The following DOCK3 variants were observed in gnomAD, a reference collection of about 807,000 sequenced individuals.
DOCK3 encodes the protein dedicator of cytokinesis 3, also known as dedicator of cytokinesis protein 3.
DOCK3 carries 60 observed loss-of-function variants against 265.6 expected under a neutral mutation model. The observed-to-expected ratio is 0.23, with a 90% CI of 0.18 to 0.28. The LOEUF (loss-of-function observed/expected upper bound fraction) is 0.28, where lower values mean the gene tolerates loss of function less well. Among genes scored for constraint, DOCK3 ranks in the 10% least tolerant of loss-of-function variants. DOCK3 has a pLI of 1.00. For missense variants in DOCK3, 1,981 were observed against 2,594.3 expected (o/e 0.76, Z 5.14); for synonymous variants, 881 against 938.0 (o/e 0.94, Z 1.11).
intron 4 of DOCK3, 141 bp downstream of exon 4, chr3:50,890,222 TG>T: frequency 1.7e-6 from 1 of 584,820 alleles, no homozygotes; most frequent in East Asian, 3.5e-5. Context: ...CATGTAATTT[TG>T]AGGGAATAAT....
intron 1 of DOCK3, among the ~76,000 whole-genome samples, chr3:50,700,041 G>A (rs1275337059): frequency 6.6e-6 from 1 of 152,136 alleles, no homozygotes; most frequent in East Asian, 1.9e-4. Flanking sequence ...CCAGCAGGAG[G>A]CTGAGGCAGG....
chr3:51,251,281 G>C (rs1159013120), intron 22 of DOCK3, among the ~76,000 whole-genome samples: 1 of 152,108 alleles, frequency 6.6e-6, no homozygotes, highest in Non-Finnish European at 1.5e-5. Flanking sequence ...ATGGACATTT[G>C]GGTTGGTTCC....
At chr3:51,349,363 TAAATC>T (rs1419163670) in intron 39 of DOCK3, among the ~76,000 whole-genome samples, 1 of 152,202 alleles carries the variant, frequency 6.6e-6, no homozygotes, top group East Asian at 1.9e-4. Context: ...ATTAAAAAAT[TAAATC>T]AAATGCTCGA....
chr3:50,792,147 T>A (rs1039493419), intron 2 of DOCK3, among the ~76,000 whole-genome samples: 4 of 152,066 alleles, frequency 2.6e-5, no homozygotes, highest in African/African-American at 9.7e-5. Flanking sequence ...GAGCAATGTT[T>A]TGTAGTTCTT....
chr3:51,374,435 T>G lies in DOCK3; in HGVS notation c.5294-34T>G. On this transcript the variant is annotated intron_variant, in intron 49 of 52. Coordinates refer to ENST00000266037, the MANE Select transcript of DOCK3 (RefSeq NM_004947.5). This position sits in a 1 kb window ranked among gnomAD's most constrained non-coding sequence, Gnocchi z 4.8. Reference sequence around the variant, plus strand: ...TGCTGGACCCTCCATCTGTGGCTTGTCATCTGTGCTTGATTGTTCTCACTT... The same window carrying G: ...TGCTGGACCCTCCATCTGTGGCTTGGCATCTGTGCTTGATTGTTCTCACTT... 1 of 1,589,354 alleles carries G rather than the reference T, an allele frequency of 6.3e-7. No individual in the cohort carries two copies. The highest frequency in any genetic ancestry group is 1.3e-5 in the African/African-American group (1 of 74,298).
rs1279127271 is a variant in DOCK3 at position 51,374,340 on chromosome 3, T to C, written c.5294-129T>C. ...GACTCTGCTTCATTCCTCCTGTGCT[T>C]GCTGAGTTCATCCTCACCCTAACTG... is the stretch of plus-strand genomic sequence containing the variant. On this transcript the variant is annotated intron_variant, in intron 49 of 52. Transcript: ENST00000266037. This position sits in a 1 kb window ranked among gnomAD's most constrained non-coding sequence, Gnocchi z 4.8. 1.3e-6 allele frequency: 1 copy of C among 787,034 alleles called. No individual in the cohort carries two copies. Among genetic ancestry groups the C allele is most frequent in the African/African-American group, 1.7e-5 (1 of 58,436 alleles). The allele number at this position is 787,034 out of a possible 1,614,324, so 48.8% of individuals were successfully genotyped here.
At chr3:50,996,204 A>G (rs1190679453) in intron 5 of DOCK3, among the ~76,000 whole-genome samples, 17 of 148,534 alleles carry the variant, frequency 1.1e-4, no homozygotes, top group Admixed American at 9.4e-4. Context: ...GCAAGGCTGC[A>G]TGCAGGATTT....
intron 35 of DOCK3, chr3:51,336,970 C>A (rs1164389458): frequency 2.2e-6 from 1 of 444,834 alleles, no homozygotes; most frequent in Non-Finnish European, 4.5e-6. Flanking sequence ...TTGCTTGGAA[C>A]AACTTGGCCA....
intron 5 of DOCK3, among the ~76,000 whole-genome samples, chr3:51,032,194 A>T (rs2080080117): frequency 6.6e-6 from 1 of 151,156 alleles, no homozygotes; most frequent in Non-Finnish European, 1.5e-5. Flanking sequence ...TTCTCACTTC[A>T]GTGATTTTTC....
intron 5 of DOCK3, among the ~76,000 whole-genome samples, chr3:51,063,946 A>G (rs1035589035): frequency 1.3e-5 from 2 of 152,228 alleles, no homozygotes; most frequent in African/African-American, 4.8e-5. Flanking sequence ...AGGCCTAGAA[A>G]TCAGGAGTGA....
intron 5 of DOCK3, among the ~76,000 whole-genome samples, chr3:50,959,449 C>G (rs2076822584): frequency 6.6e-6 from 1 of 150,926 alleles, no homozygotes; most frequent in African/African-American, 2.4e-5. Context: ...ACTTATTCTC[C>G]CTGTATAACT....
intron 7 of DOCK3, among the ~76,000 whole-genome samples, chr3:51,077,158 G>A (rs1297459436): frequency 6.6e-6 from 1 of 152,124 alleles, no homozygotes; most frequent in Non-Finnish European, 1.5e-5. Context: ...CAATAAGAAT[G>A]TAGATGTTTG....
In DOCK3 at chr3:50,793,657, C is replaced by T. The variant is rs111738702; in HGVS notation, c.121+14899C>T. On this transcript the variant is annotated intron_variant, in intron 2 of 52. Transcript: ENST00000266037. ...ACAGGCGTGAGCCACCTTGCCTGGC[C>T]TATTTTATTAATTTTCTTTTCAAAA... Among the ~76,000 whole-genome samples the T allele has an allele frequency of 4.6e-5, 7 of 152,270 alleles. 2 individuals are homozygous for T. Among genetic ancestry groups the T allele is most frequent in the African/African-American group, 1.7e-4 (7 of 41,562 alleles).
chr3:50,884,090 C>CT (rs547602978), intron 3 of DOCK3, among the ~76,000 whole-genome samples: 247 of 140,078 alleles, frequency 1.8e-3, no homozygotes, highest in East Asian at 3.9e-3. Context: ...ATATACCATT[C>CT]TTTTTTTTTT....
intron 4 of DOCK3, among the ~76,000 whole-genome samples, chr3:50,931,013 C>T (rs778301328): frequency 6.6e-6 from 1 of 152,112 alleles, no homozygotes; most frequent in South Asian, 2.1e-4. Context: ...GGGTCATGCC[C>T]GGCTGTGTAA....
At position 50,939,376 on chromosome 3, in the gene DOCK3, T is replaced by A. The variant is rs1218514185; in HGVS notation, c.315+5299T>A. On this transcript the variant is annotated intron_variant, in intron 5 of 52. Coordinates refer to ENST00000266037, the MANE Select transcript of DOCK3 (RefSeq NM_004947.5). ...TGAGGAGGGAATACTTCCTAATTCA[T>A]CTTATGAGGCTGCTATTACCTTGAT... is the stretch of plus-strand genomic sequence containing the variant. Among the ~76,000 whole-genome samples, 6 of 152,114 alleles carry A rather than the reference T, an allele frequency of 3.9e-5. No individual in the cohort carries two copies. In the South Asian group the frequency reaches 1.2e-3, roughly 31 times the overall value.
chr3:50,847,066 G>C (rs941688450), intron 3 of DOCK3, among the ~76,000 whole-genome samples: 1 of 151,712 alleles, frequency 6.6e-6, no homozygotes, highest in Non-Finnish European at 1.5e-5. Flanking sequence ...GTTCCTTCAG[G>C]TGTAATTGCT....
rs550615709 is a variant in DOCK3, at chr3:50,783,948, A to G, written c.121+5190A>G. 4.0e-5 allele frequency among the ~76,000 whole-genome samples: 6 copies of G among 151,160 alleles called. No homozygotes were observed. The South Asian group carries it at 8.4e-4, about 21-fold the overall frequency. ...AGTGGCATGATCTGGGCTCACCGCA[A>G]CCTCCGCCTCCCAAGTTTAAGTGAT... On this transcript the variant is annotated intron_variant, in intron 2 of 52. Transcript: ENST00000266037.
intron 5 of DOCK3, among the ~76,000 whole-genome samples, chr3:50,937,239 T>G (rs1196838098): frequency 7.0e-6 from 1 of 143,108 alleles, no homozygotes; most frequent in African/African-American, 2.6e-5. Context: ...ATTGTGCCAT[T>G]GCACTCCAGC....
Sources: gnomAD v4.1 joint callset for allele counts (sites outside exome capture counted in the v4.1 genomes callset) on GRCh38, gnomAD v4.1.1 for gene constraint, Gnocchi (gnomAD v3.1) non-coding constraint, MANE v1.5 for transcripts, NCBI Gene and HGNC (gene_info 2026-07-23, HGNC 2026-07-21) for gene names.